Variants in RPH3A observed in about 807,000 individuals in gnomAD.
The protein encoded by RPH3A is rabphilin 3A.
In RPH3A, 48 loss-of-function variants were observed where a neutral mutation model predicts 102.2. The observed-to-expected ratio is 0.47, with a 90% CI of 0.37 to 0.60. The LOEUF (loss-of-function observed/expected upper bound fraction) is 0.60. Among genes scored for constraint, RPH3A ranks in the 20% least tolerant of loss-of-function variants. The probability of loss-of-function intolerance (pLI) is 0.00; values close to 1 mark genes in which losing one functional copy is unlikely to be tolerated. For synonymous variants in RPH3A, 310 were observed against 324.3 expected (o/e 0.96, Z 0.47); for missense variants, 781 against 910.1 (o/e 0.86, Z 1.83).
chr12:112,866,448 G>T (rs1231219093), intron 6 of RPH3A, among the ~76,000 whole-genome samples: 2 of 152,080 alleles, frequency 1.3e-5, no homozygotes, highest in African/African-American at 4.8e-5. Context: ...ATAAAAAATG[G>T]ATATATGGTC....
At chr12:112,619,590 A>T (rs1419885112) in intron 1 of RPH3A, among the ~76,000 whole-genome samples, 2 of 152,082 alleles carry the variant, frequency 1.3e-5, no homozygotes, top group African/African-American at 4.8e-5. Context: ...GCCTAATTCT[A>T]TGTTAAATAT....
In RPH3A at chr12:112,677,415, CTCCTTCCTTCCTTCCT is replaced by C. The variant is rs879603208; in HGVS notation, c.-140+102152_-140+102167del. Among the ~76,000 whole-genome samples the C allele has an allele frequency of 4.1e-3, 135 of 33,254 alleles. 2 individuals carry two copies. Among genetic ancestry groups the C allele is most frequent in the South Asian group, 8.2e-3 (5 of 608 alleles). The allele number at this position is 33,254 out of a possible 152,430, so 21.8% of individuals were successfully genotyped here. A position where few individuals can be genotyped will look rare whatever the true frequency, so the allele number is the denominator to read the frequency against. The stretch of plus-strand genomic sequence containing the variant: ...CCTCCCTCCCTCCCTCCCTCCTTCC[CTCCTTCCTTCCTTCCT>C]TCCTTCCTTCCTTCCTTCCTTCCTT... On this transcript the variant is annotated intron_variant, in intron 1 of 21. Coordinates refer to the RPH3A transcript ENST00000543106.
intron 1 of RPH3A, among the ~76,000 whole-genome samples, chr12:112,711,490 T>C (rs1218123310): frequency 6.6e-6 from 1 of 152,242 alleles, no homozygotes; most frequent in Non-Finnish European, 1.5e-5. Context: ...AATTTTCTCA[T>C]TCTCCCTCTG....
intron 19 of RPH3A, 34 bp from the exon 20 acceptor site, chr12:112,894,544 G>T (rs531660177): frequency 1.9e-6 from 3 of 1,602,596 alleles, no homozygotes; most frequent in East Asian, 2.2e-5. Context: ...TTCATTAAAC[G>T]TCATCCATAA....
At chr12:112,627,473 A>T (rs1236457086) in intron 1 of RPH3A, among the ~76,000 whole-genome samples, 1 of 150,852 alleles carries the variant, frequency 6.6e-6, no homozygotes, top group East Asian at 1.9e-4. Flanking sequence ...ATGTAGGTAT[A>T]ATATACATTA....
At chr12:112,807,569 T>A (rs937603164) in intron 2 of RPH3A, among the ~76,000 whole-genome samples, 2 of 152,112 alleles carry the variant, frequency 1.3e-5, no homozygotes, top group African/African-American at 4.8e-5. Context: ...ATGTGGGAAA[T>A]GAAGATAACA....
chr12:112,801,385 T>A (rs959255361), intron 2 of RPH3A, among the ~76,000 whole-genome samples: 1 of 152,228 alleles, frequency 6.6e-6, no homozygotes, highest in Non-Finnish European at 1.5e-5. Context: ...TTTCTGTAGA[T>A]GTTCTTTCTT....
At chr12:112,720,398 G>T (rs2040542748) in intron 1 of RPH3A, among the ~76,000 whole-genome samples, 1 of 152,248 alleles carries the variant, frequency 6.6e-6, no homozygotes, top group African/African-American at 2.4e-5. Flanking sequence ...TTTTCCACAT[G>T]TTGGTGGCCA....
chr12:112,881,814 G>T lies in RPH3A; in HGVS notation c.1294G>T (p.Val432Phe). The part of the protein sequence containing the change: ...MDSNGLADPY[V>F]KLHLLPGASK... Reference sequence around the variant, plus strand: ...TTCAAACGGCTTGGCTGATCCCTACGTTAAGCTGCACCTCCTGCCGGGAGC... The same window carrying T: ...TTCAAACGGCTTGGCTGATCCCTACTTTAAGCTGCACCTCCTGCCGGGAGC... The change falls in exon 15 of 22, where the codon GTT becomes TTT. Residue 432 changes from valine (V) to phenylalanine (F), a missense_variant. Transcript: ENST00000389385. The T allele has an allele frequency of 6.2e-7, 1 of 1,612,512 alleles. No homozygotes were observed.
intron 1 of RPH3A, among the ~76,000 whole-genome samples, chr12:112,647,174 G>T (rs1240189516): frequency 6.6e-6 from 1 of 151,642 alleles, no homozygotes; most frequent in Non-Finnish European, 1.5e-5. Flanking sequence ...TGTTTTTTTT[G>T]AAGATATCCT....
chr12:112,745,308 A>C (rs943588504), intron 1 of RPH3A, among the ~76,000 whole-genome samples: 2 of 152,120 alleles, frequency 1.3e-5, no homozygotes, highest in African/African-American at 4.8e-5. Context: ...TGGTTAATAC[A>C]TTTTTCCACT....
intron 2 of RPH3A, among the ~76,000 whole-genome samples, chr12:112,800,551 T>C (rs2041324071): frequency 6.6e-6 from 1 of 151,996 alleles, no homozygotes; most frequent in Non-Finnish European, 1.5e-5. Flanking sequence ...TTAGTAATGA[T>C]TGTTTTGGTC....
intron 1 of RPH3A, among the ~76,000 whole-genome samples, chr12:112,642,975 A>G (rs1305670321): frequency 6.6e-6 from 1 of 152,240 alleles, no homozygotes; most frequent in Non-Finnish European, 1.5e-5. Flanking sequence ...GTGCTGCTCA[A>G]TGTACTACAA....
At chr12:112,719,661 G>A (rs1302805637) in intron 1 of RPH3A, among the ~76,000 whole-genome samples, 1 of 144,278 alleles carries the variant, frequency 6.9e-6, no homozygotes, top group Non-Finnish European at 1.5e-5. Flanking sequence ...ATGACTAACA[G>A]CCTCTTTGGG....
chr12:112,789,223 A>G (rs2041072077), upstream of RPH3A, among the ~76,000 whole-genome samples: 1 of 152,174 alleles, frequency 6.6e-6, no homozygotes, highest in African/African-American at 2.4e-5. Flanking sequence ...TAGGCAATAG[A>G]CCACAGGTCC....
At chr12:112,639,664 CT>C (rs959694852) in intron 1 of RPH3A, among the ~76,000 whole-genome samples, 2 of 152,140 alleles carry the variant, frequency 1.3e-5, no homozygotes, top group African/African-American at 4.8e-5. Context: ...GGGAGCCCCC[CT>C]CCCCCCACAA....
chr12:112,886,228 A>G (rs2043000765), intron 16 of RPH3A, among the ~76,000 whole-genome samples: 1 of 151,810 alleles, frequency 6.6e-6, no homozygotes, highest in Non-Finnish European at 1.5e-5. Context: ...TTCCTCTCTT[A>G]GTGTTTGTCA....
intron 1 of RPH3A, among the ~76,000 whole-genome samples, chr12:112,591,332 C>A (rs893246359): frequency 6.6e-6 from 1 of 152,204 alleles, no homozygotes; most frequent in African/African-American, 2.4e-5. Context: ...GCGATCCTCC[C>A]ACCTCAGCCT....
rs375008521 is a variant in RPH3A, at chr12:112,847,624, A to G, written c.84-72A>G. The G allele has an allele frequency of 1.8e-4, 268 of 1,519,078 alleles. 2 individuals carry two copies. The African/African-American group carries it at 3.0e-3, about 17-fold the overall frequency. 94.1% of individuals were successfully genotyped at this position (1,519,078 alleles called of 1,614,324 possible). A position where few individuals can be genotyped will look rare whatever the true frequency, so the allele number is the denominator to read the frequency against. ...TCCTTTTGTCCACAGTTTCCCAGAC[A>G]GTGAGTTTCCCGGCAGGAATTTGAA... On this transcript the variant is annotated intron_variant, in intron 4 of 21. Coordinates refer to ENST00000389385, the MANE Select transcript of RPH3A (RefSeq NM_001143854.2).
Sources: gnomAD v4.1 joint callset for allele counts (sites outside exome capture counted in the v4.1 genomes callset) on GRCh38, gnomAD v4.1.1 for gene constraint, MANE v1.5 for transcripts, NCBI Gene and HGNC (gene_info 2026-07-23, HGNC 2026-07-21) for gene names.